Variants in ARHGAP26 observed in about 807,000 individuals in gnomAD.
ARHGAP26 encodes rho GTPase-activating protein 26.
ARHGAP26 carries 38 observed loss-of-function variants against 104.8 expected under a neutral mutation model. The observed-to-expected ratio is 0.36, with a 90% CI of 0.28 to 0.48. The LOEUF is 0.48. ARHGAP26 is among the 20% of genes least tolerant of loss of function. The probability of loss-of-function intolerance (pLI) is 0.99; values close to 1 mark genes in which losing one functional copy is unlikely to be tolerated. For synonymous variants in ARHGAP26, 341 were observed against 340.0 expected (o/e 1.00, Z -0.03); for missense variants, 704 against 947.9 (o/e 0.74, Z 3.38).
chr5:142,785,091 C>T (rs573446232), intron 1 of ARHGAP26, among the ~76,000 whole-genome samples: 10 of 152,060 alleles, frequency 6.6e-5, no homozygotes, highest in South Asian at 4.2e-4. Flanking sequence ...CCACCATGCC[C>T]GGCTAATTTT....
At chr5:142,851,096 ATT>A (rs570143559) in intron 1 of ARHGAP26, among the ~76,000 whole-genome samples, 3,252 of 143,412 alleles carry the variant, frequency 0.023, 118 homozygotes, top group African/African-American at 0.078. Context: ...TGGAAAATAC[ATT>A]TTTTTTTTTT....
At chr5:142,878,940 C>T (rs1756527881) in intron 3 of ARHGAP26, among the ~76,000 whole-genome samples, 1 of 152,116 alleles carries the variant, frequency 6.6e-6, no homozygotes, top group African/African-American at 2.4e-5. Context: ...GTTTTTATGC[C>T]ATCAGATGTC....
At chr5:142,964,951 G>T (rs1771045044) in intron 11 of ARHGAP26, among the ~76,000 whole-genome samples, 1 of 152,194 alleles carries the variant, frequency 6.6e-6, no homozygotes. Context: ...TTATTTATTG[G>T]ATACAAAGCA....
intron 17 of ARHGAP26, among the ~76,000 whole-genome samples, chr5:143,108,697 A>G (rs1361166908): frequency 6.6e-6 from 1 of 152,206 alleles, no homozygotes; most frequent in Non-Finnish European, 1.5e-5. Flanking sequence ...AAAAATCCCC[A>G]CAAAAGGAGA....
intron 11 of ARHGAP26, among the ~76,000 whole-genome samples, chr5:142,978,299 C>T (rs1773425652): frequency 6.6e-6 from 1 of 152,176 alleles, no homozygotes; most frequent in Non-Finnish European, 1.5e-5. Context: ...TTCTTCGACT[C>T]TCTTTCTCTT....
intron 9 of ARHGAP26, chr5:142,908,637 G>A (rs1761430871): frequency 6.4e-6 from 1 of 155,774 alleles, no homozygotes; most frequent in South Asian, 2.1e-4. Context: ...CTTATCTATT[G>A]GTTAAAATGG....
At chr5:142,780,763 G>GCAGTCTT (rs1394645232) in intron 1 of ARHGAP26, among the ~76,000 whole-genome samples, 2 of 152,140 alleles carry the variant, frequency 1.3e-5, no homozygotes, top group Non-Finnish European at 2.9e-5. Flanking sequence ...TTGAAGGAGG[G>GCAGTCTT]CAGTCTTCTG....
chr5:142,833,220 ATTTTTT>A (rs779035161), intron 1 of ARHGAP26, among the ~76,000 whole-genome samples: 1 of 133,472 alleles, frequency 7.5e-6, no homozygotes, highest in African/African-American at 2.7e-5. Context: ...CACCCGGCTA[ATTTTTT>A]TTTTTTTTTT....
At chr5:142,970,367 T>A (rs1030720251) in intron 11 of ARHGAP26, among the ~76,000 whole-genome samples, 6 of 152,214 alleles carry the variant, frequency 3.9e-5, no homozygotes, top group Non-Finnish European at 8.8e-5. Context: ...AAAAGAGAAT[T>A]TTTTGGTTCA....
intron 6 of ARHGAP26, among the ~76,000 whole-genome samples, chr5:142,895,817 A>T (rs1562035274): frequency 6.6e-6 from 1 of 151,992 alleles, no homozygotes; most frequent in Non-Finnish European, 1.5e-5. Flanking sequence ...ACATAGTGAG[A>T]CTCCATCTCT....
At chr5:142,797,461 G>A (rs1165490570) in intron 1 of ARHGAP26, among the ~76,000 whole-genome samples, 2 of 152,246 alleles carry the variant, frequency 1.3e-5, no homozygotes, top group Non-Finnish European at 2.9e-5. Flanking sequence ...GATTTGTCAG[G>A]AAGCTTTGGC....
chr5:142,991,445 C>T (rs1270363094), intron 11 of ARHGAP26, among the ~76,000 whole-genome samples: 1 of 152,186 alleles, frequency 6.6e-6, no homozygotes, highest in African/African-American at 2.4e-5. Flanking sequence ...CTTAGGCTCA[C>T]ACTCCATGGG....
In ARHGAP26 at chr5:143,094,232, G is replaced by A. The variant is rs543578405; in HGVS notation, c.1539-26756G>A. Among the ~76,000 whole-genome samples, 11 of 152,282 alleles carry A rather than the reference G, an allele frequency of 7.2e-5. No homozygotes were observed. In the East Asian group the frequency reaches 9.7e-4, roughly 13 times the overall value. ...TGCGTGGTGTCTTTTTCCTTAGTCC[G>A]GACCACCAAGGAAATACCTTACTGC... On this transcript the variant is annotated intron_variant, in intron 17 of 22. Coordinates refer to ENST00000645722, the MANE Select transcript of ARHGAP26 (RefSeq NM_001135608.3).
chr5:143,015,595 CA>C (rs1365346161), intron 12 of ARHGAP26, among the ~76,000 whole-genome samples: 5 of 152,030 alleles, frequency 3.3e-5, no homozygotes, highest in Non-Finnish European at 7.4e-5. Context: ...AGTAGTTTCC[CA>C]GAGGGAAATC....
chr5:142,777,982 A>G (rs1047997665), intron 1 of ARHGAP26, among the ~76,000 whole-genome samples: 1 of 152,224 alleles, frequency 6.6e-6, no homozygotes, highest in South Asian at 2.1e-4. Flanking sequence ...TGGAGCAACA[A>G]TGGAGGCAAG....
chr5:143,018,659 T>C (rs1779901706), intron 12 of ARHGAP26, among the ~76,000 whole-genome samples: 1 of 152,246 alleles, frequency 6.6e-6, no homozygotes, highest in East Asian at 1.9e-4. Flanking sequence ...CATATTTTAG[T>C]TCTGTCTCTG....
chr5:142,828,683 C>T (rs930948752), intron 1 of ARHGAP26, among the ~76,000 whole-genome samples: 2 of 152,144 alleles, frequency 1.3e-5, no homozygotes, highest in Non-Finnish European at 2.9e-5. Flanking sequence ...TGGTGATGGA[C>T]GGTTGCTGTG....
intron 22 of ARHGAP26, among the ~76,000 whole-genome samples, chr5:143,219,913 A>G (rs977236865): frequency 2.0e-5 from 3 of 152,262 alleles, no homozygotes; most frequent in Non-Finnish European, 2.9e-5. Flanking sequence ...GTGAGTCAGC[A>G]GTCCAACCCA....
chr5:142,815,658 C>T (rs1415305786), intron 1 of ARHGAP26, among the ~76,000 whole-genome samples: 1 of 152,224 alleles, frequency 6.6e-6, no homozygotes, highest in Non-Finnish European at 1.5e-5. Flanking sequence ...CAGCCCTGGT[C>T]CACCACAGGG....
Sources: allele counts gnomAD v4.1 joint callset (sites outside exome capture counted in the v4.1 genomes callset), GRCh38; gene constraint gnomAD v4.1.1; transcripts MANE v1.5; gene names NCBI Gene and HGNC (gene_info 2026-07-23, HGNC 2026-07-21).